KCNJ3: variants seen among roughly 807,000 people sequenced by gnomAD.
KCNJ3 encodes potassium inwardly rectifying channel subfamily J member 3.
In KCNJ3, 4 loss-of-function variants were observed where a neutral mutation model predicts 39.2. The ratio of observed to expected loss-of-function variants is 0.10; its 90% CI spans 0.05 to 0.23. The LOEUF is 0.23. KCNJ3 is among the 10% of genes least tolerant of loss of function. The pLI is 1.00. For synonymous variants in KCNJ3, 230 were observed against 237.4 expected (o/e 0.97, Z 0.29); for missense variants, 276 against 634.9 (o/e 0.43, Z 6.08).
rs1385443741 is a variant in KCNJ3 at position 154,855,441 on chromosome 2, C to T, written c.*128C>T. The T allele has an allele frequency of 1.5e-6, 1 of 665,910 alleles. No individual in the cohort carries two copies. Among genetic ancestry groups the T allele is most frequent in the East Asian group, 2.7e-5 (1 of 36,422 alleles). The allele number at this position is 665,910 out of a possible 1,614,324, so 41.3% of individuals were successfully genotyped here. A position where few individuals can be genotyped will look rare whatever the true frequency, so the allele number is the denominator to read the frequency against. ...CCAGTTCTACAAGCATATTTGAGAA[C>T]CCTTCCTTTCCCAAGTATTGCGAAT... On this transcript the variant is annotated 3_prime_UTR_variant, in exon 3 of 3. Coordinates refer to ENST00000295101, the MANE Select transcript of KCNJ3 (RefSeq NM_002239.4).
chr2:154,726,950 T>G (rs3111012), intron 2 of KCNJ3, among the ~76,000 whole-genome samples: 141,412 of 151,960 alleles, frequency 0.93, 65,874 homozygotes, highest in East Asian at 1. Context: ...TTTTTACTTA[T>G]TGGGAGCTAA....
chr2:154,774,982 A>G (rs1361746214), intron 2 of KCNJ3, among the ~76,000 whole-genome samples: 2 of 152,138 alleles, frequency 1.3e-5, no homozygotes, highest in African/African-American at 4.8e-5. Flanking sequence ...TGGCACGATC[A>G]TGGCTCACTG....
chr2:154,742,112 C>G (rs1490881406), intron 2 of KCNJ3, among the ~76,000 whole-genome samples: 1 of 151,828 alleles, frequency 6.6e-6, no homozygotes, highest in East Asian at 1.9e-4. Flanking sequence ...CTCTAAGTAC[C>G]TCATCTAAGT....
chr2:154,767,409 C>T (rs1280151474), intron 2 of KCNJ3, among the ~76,000 whole-genome samples: 1 of 151,606 alleles, frequency 6.6e-6, no homozygotes, highest in Non-Finnish European at 1.5e-5. Flanking sequence ...TTGTTCAATT[C>T]CCAACTATGA....
chr2:154,809,651 G>T (rs1489457430), intron 2 of KCNJ3, among the ~76,000 whole-genome samples: 9 of 152,108 alleles, frequency 5.9e-5, no homozygotes, highest in African/African-American at 2.2e-4. Context: ...AAGGTCCATT[G>T]TCTGTTTGTG....
At chr2:154,747,653 G>A (rs1370322396) in intron 2 of KCNJ3, among the ~76,000 whole-genome samples, 1 of 151,972 alleles carries the variant, frequency 6.6e-6, no homozygotes, top group Non-Finnish European at 1.5e-5. Flanking sequence ...ATAGAGAAAG[G>A]AGAGGTTATT....
chr2:154,854,348 ATTTGT>A (rs1383157576), intron 2 of KCNJ3, among the ~76,000 whole-genome samples: 6 of 152,190 alleles, frequency 3.9e-5, no homozygotes, highest in Admixed American at 3.9e-4. Context: ...TCAAAATCAG[ATTTGT>A]TTTATTTATG....
intron 2 of KCNJ3, among the ~76,000 whole-genome samples, chr2:154,815,396 G>C (rs1220149410): frequency 6.6e-6 from 1 of 152,068 alleles, no homozygotes; most frequent in Admixed American, 6.6e-5. Flanking sequence ...TGCATCTTTT[G>C]TTCAGTTCTT....
chr2:154,805,146 G>A (rs940084015), intron 2 of KCNJ3, among the ~76,000 whole-genome samples: 5 of 152,110 alleles, frequency 3.3e-5, no homozygotes, highest in Non-Finnish European at 5.9e-5. Context: ...GTGTTCAAAA[G>A]AGGTGAATTT....
At position 154,726,624 on chromosome 2, in the gene KCNJ3, G is replaced by A. The variant is rs146945494; in HGVS notation, c.919+16805G>A. Among the ~76,000 whole-genome samples, 1,267 of 152,140 alleles carry A rather than the reference G, an allele frequency of 8.3e-3. 8 individuals are homozygous for A. The highest frequency in any genetic ancestry group is 0.012 in the Non-Finnish European group (839 of 67,976). On this transcript the variant is annotated intron_variant, in intron 2 of 2. Coordinates refer to ENST00000295101, the MANE Select transcript of KCNJ3 (RefSeq NM_002239.4). ...CCCACTACTGGGTATCTACTCAGAG[G>A]AAACGAAGTCATTATAAGAAAAAGA... is the stretch of plus-strand genomic sequence containing the variant.
intron 2 of KCNJ3, among the ~76,000 whole-genome samples, chr2:154,834,044 T>C (rs567230985): frequency 1.3e-5 from 2 of 152,258 alleles, no homozygotes; most frequent in African/African-American, 4.8e-5. Context: ...TGGGTAAATA[T>C]CAAGGAGTGC....
intron 2 of KCNJ3, among the ~76,000 whole-genome samples, chr2:154,744,690 T>C (rs1261534400): frequency 6.6e-6 from 1 of 151,908 alleles, no homozygotes; most frequent in African/African-American, 2.4e-5. Flanking sequence ...TTGCTGATAT[T>C]GGTAGTTTGC....
intron 2 of KCNJ3, among the ~76,000 whole-genome samples, chr2:154,805,548 G>C (rs539848975): frequency 1.8e-4 from 28 of 152,258 alleles, no homozygotes; most frequent in African/African-American, 6.5e-4. Context: ...GGAGCTAAAA[G>C]ATTGTATTTT....
In KCNJ3 at chr2:154,772,373, T is replaced by C. The variant is rs114987793; in HGVS notation, c.919+62554T>C. On this transcript the variant is annotated intron_variant, in intron 2 of 2. Coordinates refer to ENST00000295101, the MANE Select transcript of KCNJ3 (RefSeq NM_002239.4). Reference sequence around the variant, plus strand: ...GAGAACAAGAGATAAAGGCTGAGAGTCACTATGGCAAAGTGTTTCTTTTTT... The same window carrying C: ...GAGAACAAGAGATAAAGGCTGAGAGCCACTATGGCAAAGTGTTTCTTTTTT... 7.3e-3 allele frequency among the ~76,000 whole-genome samples: 1,114 copies of C among 152,170 alleles called. 13 individuals carry two copies. The highest frequency in any genetic ancestry group is 0.025 in the African/African-American group (1,056 of 41,520).
chr2:154,790,187 A>G (rs1011360103), intron 2 of KCNJ3, among the ~76,000 whole-genome samples: 1 of 152,122 alleles, frequency 6.6e-6, no homozygotes, highest in African/African-American at 2.4e-5. Flanking sequence ...CAGATTGACC[A>G]GATTATTCAA....
chr2:154,727,082 G>A (rs963857375), intron 2 of KCNJ3, among the ~76,000 whole-genome samples: 2 of 152,022 alleles, frequency 1.3e-5, no homozygotes, highest in Non-Finnish European at 2.9e-5. Flanking sequence ...CTAAGGTGAT[G>A]GGTGCACCAA....
chr2:154,716,523 T>C (rs962126376), intron 2 of KCNJ3, among the ~76,000 whole-genome samples: 2 of 152,166 alleles, frequency 1.3e-5, no homozygotes, highest in Non-Finnish European at 2.9e-5. Context: ...CAGTTAATAT[T>C]GGTCATTTGC....
At chr2:154,803,351 A>G (rs1485969840) in intron 2 of KCNJ3, among the ~76,000 whole-genome samples, 1 of 152,032 alleles carries the variant, frequency 6.6e-6, no homozygotes, top group Non-Finnish European at 1.5e-5. Context: ...GTTTTAAAAA[A>G]TAAGAATTGG....
At chr2:154,718,051 T>C (rs1303345996) in intron 2 of KCNJ3, among the ~76,000 whole-genome samples, 1 of 152,188 alleles carries the variant, frequency 6.6e-6, no homozygotes, top group Non-Finnish European at 1.5e-5. Flanking sequence ...TCCGCCCAGA[T>C]TGCTGATTCC....
Sources: allele counts gnomAD v4.1 joint callset (sites outside exome capture counted in the v4.1 genomes callset), GRCh38; gene constraint gnomAD v4.1.1; transcripts MANE v1.5; gene names NCBI Gene and HGNC (gene_info 2026-07-23, HGNC 2026-07-21).